The following DPH6 variants were observed in gnomAD, a reference collection of about 807,000 sequenced individuals.
The protein encoded by DPH6 is diphthine--ammonia ligase.
A neutral mutation model predicts 38.2 loss-of-function variants in DPH6; 33 were observed. The observed-to-expected ratio is 0.86, with a 90% CI of 0.65 to 1.15. DPH6 has a LOEUF of 1.15. Ranked by LOEUF, DPH6 falls within the 50% of genes most tolerant of loss-of-function variation. The probability of loss-of-function intolerance (pLI) is 0.00; values close to 1 mark genes in which losing one functional copy is unlikely to be tolerated. For synonymous variants in DPH6, 108 were observed against 103.0 expected (o/e 1.05, Z -0.30); for missense variants, 325 against 320.0 (o/e 1.02, Z -0.12).
chr15:35,260,745 T>C (rs2140417733), intron 3 of DPH6, among the ~76,000 whole-genome samples: 2 of 152,222 alleles, frequency 1.3e-5, no homozygotes, highest in Admixed American at 1.3e-4. Context: ...TTTACAATTG[T>C]GTTATCTTCT....
At chr15:35,262,588 C>T (rs2140419451) in intron 3 of DPH6, among the ~76,000 whole-genome samples, 1 of 151,938 alleles carries the variant, frequency 6.6e-6, no homozygotes, top group South Asian at 2.1e-4. Context: ...CGCCTGTAGT[C>T]CCAGCTACTG....
At chr15:35,482,535 C>A (rs2054340328) in intron 3 of DPH6, among the ~76,000 whole-genome samples, 2 of 151,982 alleles carry the variant, frequency 1.3e-5, no homozygotes, top group South Asian at 4.1e-4. Context: ...AATTTAAAGT[C>A]TAGAAATAAA....
the DPH6 span, among the ~76,000 whole-genome samples, chr15:35,177,345 T>A: frequency 2.0e-5 from 3 of 151,264 alleles, no homozygotes; most frequent in Admixed American, 6.6e-5. Context: ...GAGGCTGAGG[T>A]AGGGGGATGA....
chr15:35,272,280 A>G (rs200802842), intron 3 of DPH6, among the ~76,000 whole-genome samples: 1 of 152,176 alleles, frequency 6.6e-6, no homozygotes, highest in African/African-American at 2.4e-5. Flanking sequence ...ATGGCCATTT[A>G]ATATAAGGCA....
the DPH6 span, among the ~76,000 whole-genome samples, chr15:35,209,378 A>G: frequency 2.0e-5 from 3 of 152,194 alleles, no homozygotes; most frequent in African/African-American, 7.2e-5. Context: ...GGCATAATCT[A>G]AAGTCAATAT....
rs2140397721 is a variant in DPH6 at position 35,237,506 on chromosome 15, C to T, written n.201-16924G>A. ...AGGCCTCACCTCAACTGCAAACTTACCGAAGTTAAACAAACTTAAGAAGCT... is the reference window on the plus strand; with the variant it reads ...AGGCCTCACCTCAACTGCAAACTTATCGAAGTTAAACAAACTTAAGAAGCT... On this transcript the variant is annotated intron_variant and non_coding_transcript_variant, in intron 3 of 3. Transcript: ENST00000560386. The T allele has an allele frequency of 2.6e-6, 4 of 1,565,088 alleles. No individual in the cohort carries two copies. In the Middle Eastern group the frequency reaches 5.0e-4, roughly 196 times the overall value.
chr15:35,187,019 A>G, the DPH6 span, among the ~76,000 whole-genome samples: 1 of 152,336 alleles, frequency 6.6e-6, no homozygotes, highest in East Asian at 1.9e-4. Context: ...GCTTTGTGTT[A>G]GGCACCATGA....
At chr15:35,472,618 G>A (rs1158640626) in intron 3 of DPH6, among the ~76,000 whole-genome samples, 1 of 151,992 alleles carries the variant, frequency 6.6e-6, no homozygotes, top group African/African-American at 2.4e-5. Context: ...GTGGCAAAAA[G>A]GCCCAAGATG....
chr15:35,515,780 T>A (rs2054838419), intron 3 of DPH6, among the ~76,000 whole-genome samples: 1 of 150,734 alleles, frequency 6.6e-6, no homozygotes, highest in Admixed American at 6.6e-5. Context: ...CACCTGTAGT[T>A]CCAGCTACTC....
intron 6 of DPH6, among the ~76,000 whole-genome samples, chr15:35,391,662 T>C (rs911164215): frequency 1.3e-5 from 2 of 152,208 alleles, no homozygotes; most frequent in African/African-American, 2.4e-5. Flanking sequence ...TATAATCTCC[T>C]GGTGTGCAGT....
chr15:35,498,078 C>T (rs1436244860), intron 3 of DPH6, among the ~76,000 whole-genome samples: 1 of 152,126 alleles, frequency 6.6e-6, no homozygotes, highest in East Asian at 1.9e-4. Flanking sequence ...TTATGCACAG[C>T]ACTATGCAAG....
At chr15:35,301,582 A>C (rs2052054676) in intron 3 of DPH6, among the ~76,000 whole-genome samples, 1 of 152,250 alleles carries the variant, frequency 6.6e-6, no homozygotes, top group Non-Finnish European at 1.5e-5. Context: ...TAATTATATT[A>C]GGTCTTATAT....
At chr15:35,297,332 GTTT>G (rs34357081) in intron 3 of DPH6, among the ~76,000 whole-genome samples, 1 of 139,300 alleles carries the variant, frequency 7.2e-6, no homozygotes, top group Non-Finnish European at 1.6e-5. Context: ...CCCTCCCTCA[GTTT>G]TTTTTTTTTT....
chr15:35,211,450 A>C, the DPH6 span, among the ~76,000 whole-genome samples: 1 of 152,222 alleles, frequency 6.6e-6, no homozygotes, highest in East Asian at 1.9e-4. Context: ...TATTGGAAGA[A>C]TATCTTACAC....
chr15:35,284,326 C>T (rs1259944504), intron 3 of DPH6, among the ~76,000 whole-genome samples: 1 of 151,996 alleles, frequency 6.6e-6, no homozygotes, highest in Non-Finnish European at 1.5e-5. Flanking sequence ...TAAACTTAAC[C>T]TGTGTGTAGA....
chr15:35,238,361 C>T (rs1478527922), intron 3 of DPH6, among the ~76,000 whole-genome samples: 2 of 151,880 alleles, frequency 1.3e-5, no homozygotes, highest in African/African-American at 4.8e-5. Flanking sequence ...ATCACTTTAT[C>T]GGGAGTAGTT....
At chr15:35,451,775 C>A (rs1340660607) in intron 4 of DPH6, among the ~76,000 whole-genome samples, 6 of 152,144 alleles carry the variant, frequency 3.9e-5, no homozygotes, top group African/African-American at 1.4e-4. Flanking sequence ...CTTTGGGAGG[C>A]CAAGGCGGGT....
At chr15:35,463,765 T>G (rs2054093370) in intron 3 of DPH6, among the ~76,000 whole-genome samples, 1 of 152,134 alleles carries the variant, frequency 6.6e-6, no homozygotes, top group African/African-American at 2.4e-5. Context: ...TAGAGGGAAA[T>G]GATATTAAAA....
At chr15:35,435,346 A>C (rs1387585116) in intron 5 of DPH6, among the ~76,000 whole-genome samples, 1 of 152,202 alleles carries the variant, frequency 6.6e-6, no homozygotes, top group African/African-American at 2.4e-5. Context: ...TGGACAATCA[A>C]ATGTAGACAA....
Sources: allele counts gnomAD v4.1 joint callset (sites outside exome capture counted in the v4.1 genomes callset), GRCh38; gene constraint gnomAD v4.1.1; transcripts MANE v1.5; gene names NCBI Gene and HGNC (gene_info 2026-07-23, HGNC 2026-07-21).